Variants in PTPRA observed in about 807,000 individuals in gnomAD.
PTPRA encodes the protein protein tyrosine phosphatase receptor type A.
In PTPRA, 25 loss-of-function variants were observed where a neutral mutation model predicts 104.8. The observed-to-expected ratio is 0.24, with a 90% CI of 0.17 to 0.33. PTPRA has a LOEUF of 0.33. Ranked by LOEUF, PTPRA falls within the 10% of genes least tolerant of loss-of-function variation. The pLI is 1.00. For synonymous variants in PTPRA, 323 were observed against 368.9 expected, an observed-to-expected ratio of 0.88 and a Z score of 1.43; for missense variants, 765 against 1,015.3, an observed-to-expected ratio of 0.75 and a Z score of 3.35.
Position 2,988,206 on chromosome 20 carries a change from G to A in PTPRA, c.601+101G>A. The A allele has an allele frequency of 2.0e-6, 3 of 1,516,192 alleles. No individual in the cohort carries two copies. In the Admixed American group the frequency reaches 6.0e-5, roughly 30 times the overall value. 93.9% of individuals were successfully genotyped at this position (1,516,192 alleles called of 1,614,324 possible). A position where few individuals can be genotyped will look rare whatever the true frequency, so the allele number is the denominator to read the frequency against. On this transcript the variant is annotated intron_variant, in intron 8 of 23. Coordinates refer to ENST00000399903, the MANE Select transcript of PTPRA (RefSeq NM_001385305.1). ...TAAAAGAATAAGACAATAAAAAGAG[G>A]AAAAAAGATTTTTGAAGAAAACAGT...
At chr20:3,013,700 C>T (rs544872712) in intron 11 of PTPRA, among the ~76,000 whole-genome samples, 146 of 152,148 alleles carry the variant, frequency 9.6e-4, no homozygotes, top group African/African-American at 2.0e-3. Flanking sequence ...CATGAGCCAC[C>T]GCGCCCAGCC....
rs371701683 is a variant in PTPRA at position 3,026,671 on chromosome 20, C to T, written c.1615-16C>T. ...TACTGGGATCAGTAATGTTTCCCCT[C>T]CCCTTCCCAATTCAGAAGTTAACAT... On this transcript the variant is annotated splice_polypyrimidine_tract_variant and intron_variant, in intron 17 of 23. Transcript: ENST00000399903. 2.5e-6 allele frequency: 4 copies of T among 1,586,212 alleles called. No homozygotes were observed. The African/African-American group carries it at 5.4e-5, about 21-fold the overall frequency.
intron 5 of PTPRA, among the ~76,000 whole-genome samples, chr20:2,972,584 C>G (rs545605156): frequency 2.0e-5 from 3 of 152,206 alleles, no homozygotes; most frequent in African/African-American, 7.2e-5. Flanking sequence ...TTTTCTCTGT[C>G]TAGATATTCT....
At chr20:2,885,703 A>G (rs2090341564) in intron 1 of PTPRA, among the ~76,000 whole-genome samples, 1 of 152,168 alleles carries the variant, frequency 6.6e-6, no homozygotes, top group South Asian at 2.1e-4. Context: ...AAAATATTAT[A>G]GGACAAATGA....
intron 1 of PTPRA, among the ~76,000 whole-genome samples, chr20:2,903,839 C>T (rs2059319547): frequency 1.3e-5 from 2 of 152,016 alleles, no homozygotes; most frequent in Admixed American, 1.3e-4. Flanking sequence ...TTAGGAAGCT[C>T]CTCCCTACTC....
chr20:3,018,303 T>C (rs919894654), intron 13 of PTPRA, among the ~76,000 whole-genome samples: 2 of 152,056 alleles, frequency 1.3e-5, no homozygotes, highest in African/African-American at 4.8e-5. Context: ...AGGACAATAG[T>C]GGAGGGAAGG....
At chr20:2,909,796 GATA>G (rs1175114403) in intron 1 of PTPRA, among the ~76,000 whole-genome samples, 2 of 123,262 alleles carry the variant, frequency 1.6e-5, no homozygotes, top group African/African-American at 6.4e-5. Context: ...ATATATATTA[GATA>G]ATATATATAA....
intron 20 of PTPRA, among the ~76,000 whole-genome samples, chr20:3,032,515 C>T (rs1273470759): frequency 1.3e-5 from 2 of 152,176 alleles, no homozygotes; most frequent in Non-Finnish European, 2.9e-5. Context: ...CGCCTGTAAT[C>T]CCAGCACTTT....
chr20:2,914,384 C>T (rs894097220), intron 1 of PTPRA, among the ~76,000 whole-genome samples: 1 of 151,836 alleles, frequency 6.6e-6, no homozygotes. Context: ...AGCATATATG[C>T]ATGTATATAC....
At chr20:2,944,425 G>A (rs1042436229) in intron 2 of PTPRA, among the ~76,000 whole-genome samples, 4 of 152,182 alleles carry the variant, frequency 2.6e-5, no homozygotes, top group African/African-American at 4.8e-5. Flanking sequence ...TCAAGCACAT[G>A]TCTGGCAGTT....
chr20:2,951,055 G>A (rs1266564594), intron 3 of PTPRA, among the ~76,000 whole-genome samples: 3 of 152,086 alleles, frequency 2.0e-5, no homozygotes, highest in African/African-American at 2.4e-5. Flanking sequence ...GTGAAATCAT[G>A]TAGTATAGTA....
chr20:2,910,647 C>T (rs1240736615), intron 1 of PTPRA, among the ~76,000 whole-genome samples: 2 of 131,172 alleles, frequency 1.5e-5, no homozygotes, highest in African/African-American at 5.8e-5. Context: ...CTCGCTGTCA[C>T]CCAGGCTGGA....
At chr20:2,963,915 C>CT (rs1250554996) in intron 3 of PTPRA, among the ~76,000 whole-genome samples, 6 of 152,032 alleles carry the variant, frequency 3.9e-5, no homozygotes, top group African/African-American at 1.2e-4. Context: ...TAGTACATGC[C>CT]TATAGTCCCA....
chr20:2,936,794 G>GA (rs1446367633), intron 2 of PTPRA, among the ~76,000 whole-genome samples: 1 of 152,014 alleles, frequency 6.6e-6, no homozygotes, highest in East Asian at 1.9e-4. Flanking sequence ...TTTTTTAAAA[G>GA]AATCAGTTCT....
chr20:2,932,022 A>G (rs975527652), intron 2 of PTPRA, among the ~76,000 whole-genome samples: 1 of 152,198 alleles, frequency 6.6e-6, no homozygotes, highest in Non-Finnish European at 1.5e-5. Flanking sequence ...TGCATCCCCT[A>G]ACATTTAATC....
chr20:2,898,136 G>T (rs1189895891), intron 1 of PTPRA, among the ~76,000 whole-genome samples: 3 of 151,332 alleles, frequency 2.0e-5, no homozygotes, highest in African/African-American at 7.3e-5. Context: ...TTGCTCCGTC[G>T]CCCAGGCTGG....
At chr20:2,986,070 G>A (rs1266000059) in intron 6 of PTPRA, among the ~76,000 whole-genome samples, 1 of 151,998 alleles carries the variant, frequency 6.6e-6, no homozygotes, top group Non-Finnish European at 1.5e-5. Flanking sequence ...CACCACACCG[G>A]CTATTTTTTT....
At chr20:2,909,537 A>G (rs1438851202) in intron 1 of PTPRA, among the ~76,000 whole-genome samples, 6 of 151,600 alleles carry the variant, frequency 4.0e-5, no homozygotes, top group African/African-American at 1.2e-4. Flanking sequence ...AGCCAAGATC[A>G]TGCCACTGCA....
At chr20:2,939,339 C>T (rs1394914056) in intron 2 of PTPRA, among the ~76,000 whole-genome samples, 2 of 152,106 alleles carry the variant, frequency 1.3e-5, no homozygotes, top group African/African-American at 2.4e-5. Flanking sequence ...CTGGTTATTC[C>T]AGGGTAGAGA....
Sources: gnomAD v4.1 joint callset for allele counts (sites outside exome capture counted in the v4.1 genomes callset) on GRCh38, gnomAD v4.1.1 for gene constraint, MANE v1.5 for transcripts, NCBI Gene and HGNC (gene_info 2026-07-23, HGNC 2026-07-21) for gene names.